The following MRAP2 variants were observed in gnomAD, a reference collection of about 807,000 sequenced individuals.
MRAP2 encodes melanocortin 2 receptor accessory protein 2, also known as melanocortin-2 receptor accessory protein 2.
In MRAP2, 20 loss-of-function variants were observed where a neutral mutation model predicts 17.4. The ratio of observed to expected loss-of-function variants is 1.15; its 90% CI spans 0.81 to 1.67. The LOEUF is 1.67. Ranked by LOEUF, MRAP2 falls within the 40% of genes most tolerant of loss-of-function variation. The probability of loss-of-function intolerance (pLI) is 0.00; values close to 1 mark genes in which losing one functional copy is unlikely to be tolerated. For missense variants in MRAP2, 238 were observed against 240.0 expected (o/e 0.99, Z 0.05); for synonymous variants, 96 against 88.4 (o/e 1.09, Z -0.48).
intron 3 of MRAP2, among the ~76,000 whole-genome samples, chr6:84,079,536 A>G (rs2099498439): frequency 6.6e-6 from 1 of 152,242 alleles, no homozygotes; most frequent in Non-Finnish European, 1.5e-5. Flanking sequence ...TCACATTGAC[A>G]TATATGGTAT....
chr6:84,085,307 G>A (rs2099500141), intron 3 of MRAP2, among the ~76,000 whole-genome samples: 1 of 152,074 alleles, frequency 6.6e-6, no homozygotes, highest in Non-Finnish European at 1.5e-5. Context: ...GCCCTTCTCG[G>A]CCTCCCAAAG....
chr6:84,042,531 G>A (rs1445071549), intron 1 of MRAP2, among the ~76,000 whole-genome samples: 3 of 152,186 alleles, frequency 2.0e-5, no homozygotes, highest in African/African-American at 7.2e-5. Context: ...GCTCCAGGAA[G>A]ATGAACCAGG....
the MRAP2 span, among the ~76,000 whole-genome samples, chr6:84,128,137 A>G: frequency 1.3e-5 from 2 of 152,184 alleles, no homozygotes; most frequent in African/African-American, 4.8e-5. Flanking sequence ...GTGTTTAACA[A>G]TTATTCATGA....
At chr6:84,113,080 G>A in the MRAP2 span, among the ~76,000 whole-genome samples, 1 of 152,126 alleles carries the variant, frequency 6.6e-6, no homozygotes, top group Non-Finnish European at 1.5e-5. Context: ...TGTTGATTTG[G>A]GGTGGAGAGT....
At position 84,089,153 on chromosome 6, in the gene MRAP2, C is replaced by T. The variant is rs2129176737; in HGVS notation, c.290C>T (p.Pro97Leu). ...MNSFVSDFGR[P>L]LEPDKVFSRQ... ...AGCTTTGTGTCAGACTTTGGAAGAC[C>T]TCTGGAGCCAGATAAAGTATTTTCT... Residue 97 changes from proline (P) to leucine (L), a missense_variant, in exon 4 of 4, where the codon CCT (proline) becomes CTT (leucine). Physicochemically the swap from Pro to Leu is moderately conservative, Grantham distance 98. Coordinates refer to ENST00000257776, the MANE Select transcript of MRAP2 (RefSeq NM_138409.4). 1.9e-6 allele frequency: 3 copies of T among 1,614,138 alleles called. No individual in the cohort carries two copies. The highest frequency in any genetic ancestry group is 2.5e-6 in the Non-Finnish European group (3 of 1,180,030).
At chr6:84,069,653 GT>G (rs1319168095) in intron 3 of MRAP2, among the ~76,000 whole-genome samples, 1 of 152,140 alleles carries the variant, frequency 6.6e-6, no homozygotes, top group Non-Finnish European at 1.5e-5. Context: ...TTGTGGAATA[GT>G]GTCAAAAGGA....
intron 1 of MRAP2, among the ~76,000 whole-genome samples, chr6:84,043,776 G>C (rs1191759022): frequency 6.6e-6 from 1 of 152,110 alleles, no homozygotes; most frequent in South Asian, 2.1e-4. Context: ...CACAGTCCTT[G>C]AATTTTTGAC....
the MRAP2 span, among the ~76,000 whole-genome samples, chr6:84,112,927 C>A: frequency 1.8e-4 from 28 of 152,214 alleles, no homozygotes; most frequent in Middle Eastern, 3.4e-3. Flanking sequence ...AGTTTTTAAT[C>A]CTGAGTTCTA....
At chr6:84,132,032 G>T in the MRAP2 span, among the ~76,000 whole-genome samples, 4 of 152,194 alleles carry the variant, frequency 2.6e-5, no homozygotes, top group Non-Finnish European at 5.9e-5. Flanking sequence ...TGTAAGGCAT[G>T]CCTGGTGGTG....
chr6:84,058,089 T>C (rs1030380715), intron 2 of MRAP2, among the ~76,000 whole-genome samples: 1 of 152,056 alleles, frequency 6.6e-6, no homozygotes, highest in Non-Finnish European at 1.5e-5. Flanking sequence ...GAGGTCATGC[T>C]AAGGACTTTG....
At chr6:84,135,730 G>A in the MRAP2 span, among the ~76,000 whole-genome samples, 1 of 152,184 alleles carries the variant, frequency 6.6e-6, no homozygotes, top group South Asian at 2.1e-4. Context: ...GGGTGTGATG[G>A]CACAATCCTG....
At chr6:84,102,630 T>C in the MRAP2 span, among the ~76,000 whole-genome samples, 1 of 152,178 alleles carries the variant, frequency 6.6e-6, no homozygotes, top group African/African-American at 2.4e-5. Context: ...ACGATAAGCT[T>C]GTGTTGTTTT....
intron 3 of MRAP2, among the ~76,000 whole-genome samples, chr6:84,072,061 A>G (rs986887229): frequency 2.4e-4 from 36 of 152,048 alleles, no homozygotes; most frequent in African/African-American, 7.5e-4. Flanking sequence ...AACCTCCCAA[A>G]TTCTTTTTCA....
At chr6:84,106,403 T>G in the MRAP2 span, among the ~76,000 whole-genome samples, 1 of 152,162 alleles carries the variant, frequency 6.6e-6, no homozygotes, top group South Asian at 2.1e-4. Context: ...AGTGATCCAA[T>G]GTAATTAACC....
chr6:84,043,651 G>A (rs546507868), intron 1 of MRAP2, among the ~76,000 whole-genome samples: 2 of 151,976 alleles, frequency 1.3e-5, no homozygotes, highest in South Asian at 2.1e-4. Flanking sequence ...GTGTGTGTAT[G>A]GGGGGGTGAG....
At chr6:84,123,316 C>T in the MRAP2 span, among the ~76,000 whole-genome samples, 1 of 148,514 alleles carries the variant, frequency 6.7e-6, no homozygotes, top group African/African-American at 2.5e-5. Context: ...AATACAGAGG[C>T]ATCACATTGC....
At chr6:84,120,614 A>G in the MRAP2 span, among the ~76,000 whole-genome samples, 2 of 152,200 alleles carry the variant, frequency 1.3e-5, no homozygotes, top group Non-Finnish European at 2.9e-5. Context: ...TTATTTCAAA[A>G]TAGAATATAG....
chr6:84,069,294 T>C (rs1371180591), intron 3 of MRAP2, among the ~76,000 whole-genome samples: 1 of 152,214 alleles, frequency 6.6e-6, no homozygotes, highest in Admixed American at 6.5e-5. Flanking sequence ...TGCTGAGTTT[T>C]AATCATAAAG....
chr6:84,036,234 A>G (rs974692674), intron 1 of MRAP2, among the ~76,000 whole-genome samples: 6 of 152,078 alleles, frequency 3.9e-5, no homozygotes, highest in African/African-American at 1.4e-4. Context: ...GGTTACTTCA[A>G]GAGTATGAGG....
Sources: allele counts gnomAD v4.1 joint callset (sites outside exome capture counted in the v4.1 genomes callset), GRCh38; gene constraint gnomAD v4.1.1; transcripts MANE v1.5; gene names NCBI Gene and HGNC (gene_info 2026-07-23, HGNC 2026-07-21).